Variants in RASSF3 observed in about 807,000 individuals in gnomAD.
RASSF3 encodes the protein Ras association domain family member 3, also known as ras association domain-containing protein 3.
RASSF3 carries 19 observed loss-of-function variants against 19.9 expected under a neutral mutation model. The observed-to-expected ratio is 0.96, with a 90% CI of 0.67 to 1.40. The LOEUF (loss-of-function observed/expected upper bound fraction) is 1.40. Ranked by LOEUF, RASSF3 falls within the 40% of genes most tolerant of loss-of-function variation. RASSF3 has a pLI of 0.00. For missense variants in RASSF3, 306 were observed against 289.8 expected, an observed-to-expected ratio of 1.06 and a Z score of -0.41; for synonymous variants, 110 against 104.2, an observed-to-expected ratio of 1.06 and a Z score of -0.34.
upstream of RASSF3, among the ~76,000 whole-genome samples, chr12:64,531,989 T>C (rs1868718044): frequency 6.6e-6 from 1 of 152,176 alleles, no homozygotes; most frequent in Non-Finnish European, 1.5e-5. Context: ...AAAAGTAAAG[T>C]AATGCAATCT....
In RASSF3 at chr12:64,672,150, A is replaced by G. The variant is rs115651143; in HGVS notation, c.112-12637A>G. The stretch of plus-strand genomic sequence containing the variant: ...GGCATATAATAATCATATCAGAGTA[A>G]TATCACCCCAAGCATTTATCATTTG... On this transcript the variant is annotated intron_variant, in intron 1 of 4. Transcript: ENST00000542104. Among the ~76,000 whole-genome samples the G allele has an allele frequency of 9.6e-3, 1,464 of 152,258 alleles. 23 individuals are homozygous for G. Among genetic ancestry groups the G allele is most frequent in the African/African-American group, 0.034 (1,411 of 41,518 alleles).
chr12:64,573,481 C>G (rs1869551299), intron 2 of RASSF3, among the ~76,000 whole-genome samples: 1 of 152,128 alleles, frequency 6.6e-6, no homozygotes, highest in East Asian at 1.9e-4. Flanking sequence ...AAAAGGCAAA[C>G]TCAGAGGTAG....
intron 1 of RASSF3, among the ~76,000 whole-genome samples, chr12:64,675,949 A>G (rs953316576): frequency 1.3e-5 from 2 of 151,554 alleles, no homozygotes; most frequent in Non-Finnish European, 2.9e-5. Context: ...TGGCAGGGGG[A>G]AAAAAATCCC....
chr12:64,542,952 G>C (rs532263311), downstream of RASSF3, among the ~76,000 whole-genome samples: 7 of 152,206 alleles, frequency 4.6e-5, no homozygotes, highest in African/African-American at 1.4e-4. Context: ...GGCGGGAACC[G>C]GGGCTGCGCG....
intron 1 of RASSF3, among the ~76,000 whole-genome samples, chr12:64,650,523 C>T (rs992176290): frequency 7.3e-6 from 1 of 136,994 alleles, no homozygotes; most frequent in East Asian, 2.3e-4. Context: ...TCACGGGATT[C>T]TTCTGCCTCA....
intron 1 of RASSF3, among the ~76,000 whole-genome samples, chr12:64,525,664 T>C (rs1392822344): frequency 2.0e-5 from 3 of 152,174 alleles, no homozygotes; most frequent in African/African-American, 7.2e-5. Flanking sequence ...GGCTGGCAGG[T>C]GGCAGTGGTG....
intron 1 of RASSF3, among the ~76,000 whole-genome samples, chr12:64,652,831 A>G (rs901666833): frequency 6.6e-6 from 1 of 152,208 alleles, no homozygotes; most frequent in African/African-American, 2.4e-5. Flanking sequence ...TACATGTAAA[A>G]TCTTGTCTGT....
intron 2 of RASSF3, among the ~76,000 whole-genome samples, chr12:64,686,679 T>C (rs989323222): frequency 6.6e-5 from 10 of 151,622 alleles, no homozygotes. Context: ...ATAGAAAAAT[T>C]AGCCAGGCAT....
intron 1 of RASSF3, among the ~76,000 whole-genome samples, chr12:64,619,482 C>T (rs955595744): frequency 1.3e-5 from 2 of 152,038 alleles, no homozygotes; most frequent in African/African-American, 4.8e-5. Flanking sequence ...ACTGTAATTG[C>T]TAACTGCTGC....
intron 1 of RASSF3, among the ~76,000 whole-genome samples, chr12:64,613,937 G>A (rs974223953): frequency 3.3e-5 from 5 of 152,018 alleles, no homozygotes; most frequent in African/African-American, 1.2e-4. Flanking sequence ...AACAGAGCGA[G>A]ACCCTGTCTC....
chr12:64,676,259 C>T (rs549561325), intron 1 of RASSF3, among the ~76,000 whole-genome samples: 14 of 145,240 alleles, frequency 9.6e-5, no homozygotes, highest in South Asian at 2.2e-4. Context: ...AGGGTTCAAG[C>T]GATTCTCCTG....
At chr12:64,621,058 C>T (rs1309586828) in intron 1 of RASSF3, among the ~76,000 whole-genome samples, 1 of 152,066 alleles carries the variant, frequency 6.6e-6, no homozygotes, top group Admixed American at 6.5e-5. Flanking sequence ...GCCTCAGCCT[C>T]CCAAGTAGCT....
intron 2 of RASSF3, among the ~76,000 whole-genome samples, chr12:64,561,974 T>C (rs573257215): frequency 2.0e-4 from 29 of 148,374 alleles, no homozygotes; most frequent in Admixed American, 7.4e-4. Flanking sequence ...TGAGCCACTG[T>C]GCATGGCCCA....
intron 1 of RASSF3, among the ~76,000 whole-genome samples, chr12:64,612,479 CTTTTT>C (rs369436937): frequency 8.4e-6 from 1 of 119,392 alleles, no homozygotes. Context: ...TTTAGCGTTT[CTTTTT>C]TTTTTTTTTT....
At position 64,595,836 on chromosome 12, in the gene RASSF3, C is replaced by T. The variant is rs1040080997; in HGVS notation, c.294+54131C>T. Among the ~76,000 whole-genome samples, 6 of 152,112 alleles carry T rather than the reference C, an allele frequency of 3.9e-5. No homozygotes were observed. The East Asian group carries it at 1.2e-3, about 30-fold the overall frequency. On this transcript the variant is annotated intron_variant, in intron 2 of 5. Transcript: ENST00000637125. The stretch of plus-strand genomic sequence containing the variant: ...TTCCTGTCCTCCTTTCTCTCAATCC[C>T]ATTCTCCCTCAAGTCTAGTCATCGA...
chr12:64,612,041 G>A (rs971013832), intron 1 of RASSF3, among the ~76,000 whole-genome samples: 1 of 152,076 alleles, frequency 6.6e-6, no homozygotes, highest in Non-Finnish European at 1.5e-5. Flanking sequence ...CACTATTTAC[G>A]AGTCACTTTG....
intron 1 of RASSF3, among the ~76,000 whole-genome samples, chr12:64,636,632 G>T (rs964318863): frequency 2.6e-5 from 4 of 151,952 alleles, no homozygotes; most frequent in Non-Finnish European, 5.9e-5. Context: ...TTGGGAGGCC[G>T]AGGTGGGTGG....
At chr12:64,665,270 C>G (rs1245182) in intron 1 of RASSF3, among the ~76,000 whole-genome samples, 1 of 151,926 alleles carries the variant, frequency 6.6e-6, no homozygotes, top group South Asian at 2.1e-4. Context: ...TTTTGCAAGG[C>G]TCATGTGACA....
At chr12:64,562,053 T>TGTTGCCCAGGCTGGAATGCAGTG (rs1565839646) in intron 2 of RASSF3, among the ~76,000 whole-genome samples, 2 of 150,464 alleles carry the variant, frequency 1.3e-5, no homozygotes, top group Admixed American at 6.7e-5. Context: ...AGTCTTGCTC[T>TGTTGCCCAGGCTGGAATGCAGTG]GTTGCCCAGG....
Sources: allele counts gnomAD v4.1 joint callset (sites outside exome capture counted in the v4.1 genomes callset), GRCh38; gene constraint gnomAD v4.1.1; transcripts MANE v1.5; gene names NCBI Gene and HGNC (gene_info 2026-07-23, HGNC 2026-07-21).